Variants in WASHC4 observed in about 807,000 individuals in gnomAD.
The protein encoded by WASHC4 is WASH complex subunit 4.
In WASHC4, 86 loss-of-function variants were observed where a neutral mutation model predicts 166.6. The ratio of observed to expected loss-of-function variants is 0.52; its 90% CI spans 0.43 to 0.62. The LOEUF (loss-of-function observed/expected upper bound fraction) is 0.62, where lower values mean the gene tolerates loss of function less well. Ranked by LOEUF, WASHC4 falls within the 20% of genes least tolerant of loss-of-function variation. WASHC4 has a pLI of 0.00. For missense variants in WASHC4, 1,262 were observed against 1,382.4 expected (o/e 0.91, Z 1.38); for synonymous variants, 446 against 451.6 (o/e 0.99, Z 0.16).
chr12:105,128,385 C>G (rs1881477698), intron 13 of WASHC4, among the ~76,000 whole-genome samples: 1 of 152,108 alleles, frequency 6.6e-6, no homozygotes. Flanking sequence ...ATTTGAGTAG[C>G]AGTAAGTGGG....
At chr12:105,115,547 CT>C (rs1880100826) in intron 5 of WASHC4, 113 bp from the exon 6 acceptor site, 1 of 758,274 alleles carries the variant, frequency 1.3e-6, no homozygotes, top group Non-Finnish European at 2.3e-6. Context: ...GTTTTCAATA[CT>C]ATGCAGAGTA....
chr12:105,142,981 T>G, intron 19 of WASHC4, 146 bp from the exon 20 acceptor site: 1 of 636,758 alleles, frequency 1.6e-6, no homozygotes, highest in Non-Finnish European at 2.8e-6. Context: ...TAGGTTCTTT[T>G]TCTTTAGGAA....
At chr12:105,153,233 A>T (rs1377728006) in intron 26 of WASHC4, among the ~76,000 whole-genome samples, 1 of 152,116 alleles carries the variant, frequency 6.6e-6, no homozygotes, top group East Asian at 1.9e-4. Flanking sequence ...TGTGAGATTG[A>T]TTTATTCATT....
intron 10 of WASHC4, 35 bp from the exon 11 acceptor site, chr12:105,125,969 G>C: frequency 6.3e-7 from 1 of 1,593,624 alleles, no homozygotes; most frequent in Non-Finnish European, 8.6e-7. Flanking sequence ...TTATTATTGA[G>C]AGTCTGAATT....
chr12:105,114,742 T>G (rs1880021570), intron 4 of WASHC4, among the ~76,000 whole-genome samples: 1 of 152,150 alleles, frequency 6.6e-6, no homozygotes, highest in Non-Finnish European at 1.5e-5. Context: ...ACCTCCAGAG[T>G]TTGTGTTACC....
In WASHC4 at chr12:105,148,220, A is replaced by G. The variant is rs1883470101; in HGVS notation, c.2514+1074A>G. Reference sequence around the variant, plus strand: ...GCTCCATTATAGTGGGGTTATCAATATAGAAATGAAACATACAATTTTAAA... The same window carrying G: ...GCTCCATTATAGTGGGGTTATCAATGTAGAAATGAAACATACAATTTTAAA... On this transcript the variant is annotated intron_variant, in intron 24 of 32. Coordinates refer to ENST00000332180, the MANE Select transcript of WASHC4 (RefSeq NM_015275.3). The G allele has an allele frequency of 3.0e-6, 3 of 985,212 alleles. No individual in the cohort carries two copies. The South Asian group carries it at 1.4e-4, about 46-fold the overall frequency. 61.0% of individuals were successfully genotyped at this position (985,212 alleles called of 1,614,324 possible). A position where few individuals can be genotyped will look rare whatever the true frequency, so the allele number is the denominator to read the frequency against.
At chr12:105,111,837 G>GTA (rs1201927364) in intron 2 of WASHC4, among the ~76,000 whole-genome samples, 1 of 152,068 alleles carries the variant, frequency 6.6e-6, no homozygotes, top group Non-Finnish European at 1.5e-5. Flanking sequence ...GAGCACTTGT[G>GTA]TATTACACAC....
Position 105,141,222 on chromosome 12 carries a change from A to G in WASHC4, c.1763A>G (p.Asp588Gly). The change falls in exon 18 of 33, where the codon GAT becomes GGT. Residue 588 changes from aspartate to glycine, a missense_variant. Asp to Gly is a moderately conservative substitution (Grantham distance 94). Transcript: ENST00000332180. ...FPLQVVMKKL[D>G]LISELRERVQ... ...CTTCAAGTAGTCATGAAAAAACTGG[A>G]TCTTATTAGTGAACTTAGAGAACGG... is the stretch of plus-strand genomic sequence containing the variant. 1 of 1,611,438 alleles carries G rather than the reference A, an allele frequency of 6.2e-7. No homozygotes were observed. Among genetic ancestry groups the G allele is most frequent in the Non-Finnish European group, 8.5e-7 (1 of 1,177,570 alleles).
intron 2 of WASHC4, among the ~76,000 whole-genome samples, chr12:105,111,656 T>G (rs557877227): frequency 6.6e-6 from 1 of 152,348 alleles, no homozygotes; most frequent in Non-Finnish European, 1.5e-5. Context: ...CATATCCCAA[T>G]TAAGATAGAG....
intron 31 of WASHC4, 144 bp from the exon 32 acceptor site, chr12:105,164,497 G>A (rs554052043): frequency 1.2e-6 from 1 of 805,828 alleles, no homozygotes; most frequent in Non-Finnish European, 2.0e-6. Context: ...AAAATGGGCG[G>A]GTTACTTATT....
At chr12:105,114,990 A>G (rs949489712) in intron 4 of WASHC4, among the ~76,000 whole-genome samples, 194 bp from the exon 5 acceptor site, 2 of 152,032 alleles carry the variant, frequency 1.3e-5, no homozygotes, top group Admixed American at 6.6e-5. Context: ...GAATCAAGAT[A>G]CAGCTTTGAG....
intron 13 of WASHC4, among the ~76,000 whole-genome samples, chr12:105,133,550 T>A (rs1197514039): frequency 6.6e-6 from 1 of 152,202 alleles, no homozygotes; most frequent in Admixed American, 6.5e-5. Flanking sequence ...ATTCATTTTA[T>A]TTACTGCTGA....
intron 14 of WASHC4, among the ~76,000 whole-genome samples, chr12:105,134,189 T>G (rs1343878954): frequency 6.6e-6 from 1 of 152,150 alleles, no homozygotes; most frequent in Non-Finnish European, 1.5e-5. Context: ...GTGGGCTTTT[T>G]GAAAGATTTC....
intron 14 of WASHC4, among the ~76,000 whole-genome samples, chr12:105,136,368 T>G (rs1882318274): frequency 6.6e-6 from 1 of 152,190 alleles, no homozygotes; most frequent in Non-Finnish European, 1.5e-5. Context: ...TTATATTTCC[T>G]TATTTATTTG....
At chr12:105,116,784 C>G (rs928388210) in intron 6 of WASHC4, among the ~76,000 whole-genome samples, 1 of 152,032 alleles carries the variant, frequency 6.6e-6, no homozygotes, top group African/African-American at 2.4e-5. Context: ...ATTGGTTACC[C>G]AGGAGTTGGA....
intron 16 of WASHC4, 140 bp downstream of exon 16, chr12:105,140,541 A>G: frequency 1.5e-6 from 1 of 689,366 alleles, no homozygotes; most frequent in Non-Finnish European, 2.5e-6. Flanking sequence ...TCTCCATAGT[A>G]TTTTACAATT....
At chr12:105,157,594 A>G (rs1025769937) in intron 28 of WASHC4, among the ~76,000 whole-genome samples, 1 of 152,204 alleles carries the variant, frequency 6.6e-6, no homozygotes, top group South Asian at 2.1e-4. Context: ...TATAAAGTAC[A>G]TAACTAACCT....
chr12:105,144,700 AT>A lies in WASHC4; in HGVS notation c.2180-6del, dbSNP rs377016151. On this transcript the variant is annotated splice_polypyrimidine_tract_variant and intron_variant, in intron 21 of 32. Coordinates refer to ENST00000332180, the MANE Select transcript of WASHC4 (RefSeq NM_015275.3). ...CCTTTTCTACTGTTTCACAAGTTGA[AT>A]TTTTTTTTTTTGGTAGCTTACGTAA... The A allele has an allele frequency of 0.027, 28,528 of 1,045,346 alleles. No individual in the cohort carries two copies. The highest frequency in any genetic ancestry group is 0.029 in the Non-Finnish European group (22,006 of 746,980). The allele number at this position is 1,045,346 out of a possible 1,614,324, so 64.8% of individuals were successfully genotyped here.
intron 30 of WASHC4, among the ~76,000 whole-genome samples, chr12:105,163,830 A>T (rs930031371): frequency 1.3e-5 from 2 of 152,104 alleles, no homozygotes; most frequent in Non-Finnish European, 2.9e-5. Flanking sequence ...TTACAGCTAT[A>T]TCGTTTCTCC....
Sources: allele counts gnomAD v4.1 joint callset (sites outside exome capture counted in the v4.1 genomes callset), GRCh38; gene constraint gnomAD v4.1.1; transcripts MANE v1.5; gene names NCBI Gene and HGNC (gene_info 2026-07-23, HGNC 2026-07-21).